Variants in CHST6 observed in about 807,000 individuals in gnomAD.
CHST6 encodes the protein N-acetylglucosamine 6-O-sulfotransferase 5.
For missense variants in CHST6, 698 were observed against 586.2 expected, an observed-to-expected ratio of 1.19 and a Z score of -1.97; for synonymous variants, 309 against 276.4, an observed-to-expected ratio of 1.12 and a Z score of -1.17.
intron 1 of CHST6, among the ~76,000 whole-genome samples, chr16:75,483,226 C>T (rs1477583844): frequency 5.9e-5 from 9 of 152,192 alleles, no homozygotes; most frequent in Admixed American, 5.9e-4. Context: ...TGGGCTTCTC[C>T]CACCTGTGAT....
chr16:75,488,475 GAAA>G (rs1384982763), intron 1 of CHST6, among the ~76,000 whole-genome samples: 2 of 86,524 alleles, frequency 2.3e-5, no homozygotes, highest in Non-Finnish European at 4.9e-5. Context: ...GTCACAAGGA[GAAA>G]AAAAAAAAAA....
intron 1 of CHST6, among the ~76,000 whole-genome samples, chr16:75,489,822 AG>A (rs1284187291): frequency 6.6e-6 from 1 of 152,110 alleles, no homozygotes; most frequent in Admixed American, 6.5e-5. Flanking sequence ...GAATGAATAA[AG>A]AAAAAAATTA....
At chr16:75,484,091 A>T (rs143584517) in intron 1 of CHST6, among the ~76,000 whole-genome samples, 1,703 of 152,284 alleles carry the variant, frequency 0.011, 30 homozygotes, top group African/African-American at 0.039. Context: ...TAAACCCAGC[A>T]CTTCGGGAGG....
chr16:75,484,342 G>GTAAA (rs921260009), intron 1 of CHST6, among the ~76,000 whole-genome samples: 1 of 151,162 alleles, frequency 6.6e-6, no homozygotes, highest in African/African-American at 2.4e-5. Context: ...GTCTCAAAAA[G>GTAAA]TAAATAAATA....
intron 1 of CHST6, among the ~76,000 whole-genome samples, chr16:75,491,706 T>C (rs1482429243): frequency 6.6e-6 from 1 of 152,190 alleles, no homozygotes; most frequent in Non-Finnish European, 1.5e-5. Context: ...TGCTGCATTT[T>C]CCAGATAGTC....
At chr16:75,489,398 CAAAAAAAAAAAAAA>C (rs901241278) in intron 1 of CHST6, among the ~76,000 whole-genome samples, 4 of 58,140 alleles carry the variant, frequency 6.9e-5, no homozygotes, top group Non-Finnish European at 1.1e-4. Context: ...GACTCTGTCT[CAAAAAAAAAAAAAA>C]AAAAAAAGAA....
rs2080028286 is a variant in CHST6, at chr16:75,472,141, T to G, written c.*6500A>C. The G allele has an allele frequency of 6.6e-6, 1 of 152,226 alleles. No homozygotes were observed. Among genetic ancestry groups the G allele is most frequent in the African/African-American group, 2.4e-5 (1 of 41,462 alleles). The allele number at this position is 152,226 out of a possible 1,614,324, so 9.4% of individuals were successfully genotyped here. A position where few individuals can be genotyped will look rare whatever the true frequency, so the allele number is the denominator to read the frequency against. The stretch of plus-strand genomic sequence containing the variant: ...CTGGCCATAAGGAAAGGATTCACAT[T>G]CAACAATATGATAAACTAGGTGAAA... On this transcript the variant is annotated 3_prime_UTR_variant, in exon 3 of 3. Coordinates refer to ENST00000332272, the MANE Select transcript of CHST6 (RefSeq NM_021615.5).
chr16:75,481,580 A>C (rs2080142436), intron 2 of CHST6, among the ~76,000 whole-genome samples: 1 of 152,162 alleles, frequency 6.6e-6, no homozygotes, highest in Admixed American at 6.5e-5. Flanking sequence ...TGGGCAATAG[A>C]GTGAGACTCT....
chr16:75,479,578 C>CT lies in CHST6; in HGVS notation c.250dup (p.Ser84LysfsTer25). 1.2e-6 allele frequency: 2 copies of CT among 1,613,016 alleles called. No individual in the cohort carries two copies. The highest frequency in any genetic ancestry group is 1.7e-6 in the Non-Finnish European group (2 of 1,179,914). On this transcript the variant is annotated frameshift_variant, in exon 3 of 3. Transcript: ENST00000332272. LOFTEE classifies it low-confidence loss of function (END_TRUNC). ...CACAGCCATGTGCAGCGTTGCGGCG[C>CT]TGCCCTGCGACAGGGTGGTCCACAC...
intron 1 of CHST6, among the ~76,000 whole-genome samples, chr16:75,484,234 G>A (rs780667332): frequency 3.3e-5 from 5 of 152,168 alleles, no homozygotes; most frequent in Non-Finnish European, 7.4e-5. Flanking sequence ...CTACTCGGGA[G>A]GCTGAGGCAG....
intron 1 of CHST6, among the ~76,000 whole-genome samples, chr16:75,486,280 C>G (rs2080197274): frequency 6.6e-6 from 1 of 152,252 alleles, no homozygotes; most frequent in African/African-American, 2.4e-5. Flanking sequence ...AAGCGAACAC[C>G]TGTTCTCCGG....
rs776030874 is a variant in CHST6, at chr16:75,479,089, C to T, written c.740G>A (p.Arg247His). The T allele has an allele frequency of 2.8e-5, 45 of 1,605,148 alleles. No homozygotes were observed. The highest frequency in any genetic ancestry group is 4.5e-5 in the East Asian group (2 of 44,848). The change falls in exon 3 of 3, where the codon CGT becomes CAT. Residue 247 changes from arginine (R) to histidine (H), a missense_variant. Transcript: ENST00000332272. ...PGLRVVREVC[R>H]SHVRIAEAAT... Reference sequence around the variant, plus strand: ...GGCCTCGGCGATGCGTACGTGGCTACGGCACACCTCGCGCACCACGCGCAG... The same window carrying T: ...GGCCTCGGCGATGCGTACGTGGCTATGGCACACCTCGCGCACCACGCGCAG...
Position 75,476,418 on chromosome 16 carries a change from G to A in CHST6, c.*2223C>T, listed in dbSNP as rs943525893. ...ATACAAAAATTAGCTGGGCATGGTG[G>A]TGCATCCCTGTAGTCCCAGCTCCTC... On this transcript the variant is annotated 3_prime_UTR_variant, in exon 3 of 3. Transcript: ENST00000332272. The A allele has an allele frequency of 2.6e-5, 4 of 151,514 alleles. No homozygotes were observed. The highest frequency in any genetic ancestry group is 4.4e-5 in the Non-Finnish European group (3 of 67,996). 9.4% of individuals were successfully genotyped at this position (151,514 alleles called of 1,614,324 possible). A position where few individuals can be genotyped will look rare whatever the true frequency, so the allele number is the denominator to read the frequency against.
intron 1 of CHST6, among the ~76,000 whole-genome samples, chr16:75,487,479 A>G (rs951117773): frequency 6.6e-6 from 1 of 151,954 alleles, no homozygotes; most frequent in Non-Finnish European, 1.5e-5. Context: ...AGCCTGACCA[A>G]CACGGTGAAA....
chr16:75,485,298 A>G (rs572511512), intron 1 of CHST6, among the ~76,000 whole-genome samples: 1 of 152,294 alleles, frequency 6.6e-6, no homozygotes, highest in Non-Finnish European at 1.5e-5. Flanking sequence ...ATAGCTTGAG[A>G]AAGGATAAAA....
intron 1 of CHST6, among the ~76,000 whole-genome samples, chr16:75,487,612 A>G (rs2080212951): frequency 6.6e-6 from 1 of 152,022 alleles, no homozygotes; most frequent in African/African-American, 2.4e-5. Context: ...TTCTTGGCTA[A>G]CACAGTGAAA....
At chr16:75,488,891 G>A (rs1228080063) in intron 1 of CHST6, among the ~76,000 whole-genome samples, 2 of 151,556 alleles carry the variant, frequency 1.3e-5, no homozygotes, top group African/African-American at 4.9e-5. Context: ...TCGTCTCAAA[G>A]AAAAACAAAA....
At position 75,479,521 on chromosome 16, in the gene CHST6, T is replaced by C; in HGVS notation, c.308A>G (p.Asp103Gly). The change falls in exon 3 of 3, where the codon GAC becomes GGC. Residue 103 changes from aspartate to glycine, a missense_variant. Physicochemically the swap from Asp to Gly is moderately conservative, Grantham distance 94. Coordinates refer to ENST00000332272, the MANE Select transcript of CHST6 (RefSeq NM_021615.5). ...CAGATAGGCATCAAACACGTCCATGTCGCACAGGAAGACGGAGCGCACCAG... is the reference window on the plus strand; with the variant it reads ...CAGATAGGCATCAAACACGTCCATGCCGCACAGGAAGACGGAGCGCACCAG... ...RDLVRSVFLC[D>G]MDVFDAYLPW... 6.2e-7 allele frequency: 1 copy of C among 1,612,806 alleles called. No individual in the cohort carries two copies. The highest frequency in any genetic ancestry group is 8.5e-7 in the Non-Finnish European group (1 of 1,179,806).
intron 1 of CHST6, among the ~76,000 whole-genome samples, chr16:75,484,578 G>C (rs1461012796): frequency 6.6e-6 from 1 of 152,102 alleles, no homozygotes; most frequent in Non-Finnish European, 1.5e-5. Context: ...AGCCACGCAT[G>C]GTGGCTCACG....
Sources: allele counts gnomAD v4.1 joint callset (sites outside exome capture counted in the v4.1 genomes callset), GRCh38; gene constraint gnomAD v4.1.1; transcripts MANE v1.5; gene names NCBI Gene and HGNC (gene_info 2026-07-23, HGNC 2026-07-21).